PVT1: variants seen among roughly 807,000 people sequenced by gnomAD.
PVT1 encodes the protein CXCR4/PVT1 fusion.
chr8:127,825,117 T>A (rs1305013340), intron 2 of PVT1, among the ~76,000 whole-genome samples: 197 of 80,842 alleles, frequency 2.4e-3, no homozygotes, highest in Admixed American at 3.2e-3. Flanking sequence ...AAACACTAGC[T>A]AAAAAAAAAA....
chr8:128,019,341 C>A (rs1817407948), intron 4 of PVT1, among the ~76,000 whole-genome samples: 1 of 152,052 alleles, frequency 6.6e-6, no homozygotes, highest in Non-Finnish European at 1.5e-5. Flanking sequence ...AGCTTGAAAC[C>A]CATCCCGCCC....
chr8:128,039,613 T>C (rs1813507718), intron 4 of PVT1, among the ~76,000 whole-genome samples: 2 of 152,090 alleles, frequency 1.3e-5, no homozygotes, highest in Non-Finnish European at 1.5e-5. Context: ...GCAAAAAAGA[T>C]AGGGATGAGA....
chr8:127,889,729 T>C (rs749181382), intron 2 of PVT1, among the ~76,000 whole-genome samples: 1 of 152,128 alleles, frequency 6.6e-6, no homozygotes, highest in Non-Finnish European at 1.5e-5. Context: ...CTTACTAGTC[T>C]GAAGTAGAAT....
At chr8:127,974,118 G>A (rs1439758658) in intron 3 of PVT1, among the ~76,000 whole-genome samples, 1 of 152,186 alleles carries the variant, frequency 6.6e-6, no homozygotes, top group African/African-American at 2.4e-5. Context: ...ACACTGGGCT[G>A]TGTGAGGAGG....
chr8:127,947,618 T>C (rs1349563096), intron 3 of PVT1: 1 of 439,898 alleles, frequency 2.3e-6, no homozygotes, highest in Non-Finnish European at 4.6e-6. Context: ...AGGCAGAGTC[T>C]CACCCGGCCC....
chr8:128,032,754 C>T (rs906597731), intron 4 of PVT1, among the ~76,000 whole-genome samples: 1 of 152,206 alleles, frequency 6.6e-6, no homozygotes, highest in Non-Finnish European at 1.5e-5. Flanking sequence ...TGGGGTGTCT[C>T]CACTCTGCCC....
intron 2 of PVT1, among the ~76,000 whole-genome samples, chr8:127,811,504 T>C (rs918321786): frequency 6.6e-6 from 1 of 152,178 alleles, no homozygotes; most frequent in African/African-American, 2.4e-5. Flanking sequence ...AATTATTGGT[T>C]ATTGACTTGA....
intron 2 of PVT1, among the ~76,000 whole-genome samples, chr8:127,831,361 CAAT>C (rs1814849225): frequency 1.3e-5 from 2 of 151,760 alleles, no homozygotes; most frequent in African/African-American, 4.8e-5. Flanking sequence ...CTGGTGTCTT[CAAT>C]GGACACGGGG....
At chr8:128,018,176 T>A (rs921163609) in intron 4 of PVT1, among the ~76,000 whole-genome samples, 1 of 152,160 alleles carries the variant, frequency 6.6e-6, no homozygotes, top group African/African-American at 2.4e-5. Flanking sequence ...GGGTTAAAAA[T>A]GACTTCATTA....
chr8:127,955,746 C>A (rs1816561052), intron 3 of PVT1, among the ~76,000 whole-genome samples: 1 of 152,148 alleles, frequency 6.6e-6, no homozygotes, highest in African/African-American at 2.4e-5. Flanking sequence ...CCATACCCTG[C>A]TAATTTTTTT....
intron 2 of PVT1, among the ~76,000 whole-genome samples, chr8:127,826,933 T>A (rs1250315147): frequency 6.6e-6 from 1 of 152,080 alleles, no homozygotes; most frequent in Non-Finnish European, 1.5e-5. Context: ...TAGCTGTCTA[T>A]CTGAACTCAC....
At chr8:127,968,663 A>G (rs939975242) in intron 3 of PVT1, among the ~76,000 whole-genome samples, 2 of 152,224 alleles carry the variant, frequency 1.3e-5, no homozygotes, top group Non-Finnish European at 2.9e-5. Flanking sequence ...AGATATGTTC[A>G]GGTCCTAACC....
intron 6 of PVT1, among the ~76,000 whole-genome samples, chr8:128,098,822 C>T (rs1027274800): frequency 3.9e-5 from 6 of 152,102 alleles, no homozygotes; most frequent in African/African-American, 1.2e-4. Context: ...GCCCAGGCCT[C>T]GGGACCCCCA....
intron 5 of PVT1, among the ~76,000 whole-genome samples, chr8:128,072,667 A>T (rs1039275): frequency 0.24 from 35,859 of 151,942 alleles, 4,474 homozygotes; most frequent in East Asian, 0.39. Flanking sequence ...TTCTTAACCA[A>T]GCTAAATGGA....
chr8:127,962,192 C>G (rs1016457823), intron 3 of PVT1, among the ~76,000 whole-genome samples: 38 of 152,168 alleles, frequency 2.5e-4, no homozygotes, highest in African/African-American at 8.4e-4. Flanking sequence ...GTCTCAATCT[C>G]TTGATCTCGT....
At chr8:127,839,498 C>T (rs941377094) in intron 2 of PVT1, among the ~76,000 whole-genome samples, 2 of 147,678 alleles carry the variant, frequency 1.4e-5, no homozygotes, top group East Asian at 4.0e-4. Flanking sequence ...TGCAGTGAGC[C>T]GTGATTGTGC....
At chr8:128,066,380 G>T (rs889310596) in intron 4 of PVT1, among the ~76,000 whole-genome samples, 2 of 152,214 alleles carry the variant, frequency 1.3e-5, no homozygotes, top group Non-Finnish European at 2.9e-5. Flanking sequence ...CGTTGGCCTG[G>T]TCTGGATGAT....
chr8:127,914,244 C>A (rs1029224988), intron 3 of PVT1, among the ~76,000 whole-genome samples: 2 of 114,322 alleles, frequency 1.7e-5, no homozygotes, highest in Non-Finnish European at 3.4e-5. Flanking sequence ...TAATTAAACA[C>A]CACCACCACC....
intron 2 of PVT1, among the ~76,000 whole-genome samples, chr8:127,886,584 C>T (rs1397703100): frequency 1.3e-5 from 2 of 152,102 alleles, no homozygotes; most frequent in African/African-American, 4.8e-5. Flanking sequence ...GGTTCCTCTT[C>T]AGTCTGCCGT....
Sources: gnomAD v4.1 joint callset for allele counts (sites outside exome capture counted in the v4.1 genomes callset) on GRCh38, gnomAD v4.1.1 for gene constraint, MANE v1.5 for transcripts, NCBI Gene and HGNC (gene_info 2026-07-23, HGNC 2026-07-21) for gene names.